Variants in MFSD11 observed in about 807,000 individuals in gnomAD.
The protein encoded by MFSD11 is major facilitator superfamily domain containing 11, also known as UNC93-like protein MFSD11.
MFSD11 carries 36 observed loss-of-function variants against 53.5 expected under a neutral mutation model. That is an observed-to-expected ratio of 0.67 (90% confidence interval 0.52 to 0.89). The LOEUF is 0.89. Among genes scored for constraint, MFSD11 ranks in the 40% least tolerant of loss-of-function variants. The pLI is 0.00. For missense variants in MFSD11, 530 were observed against 543.9 expected, an observed-to-expected ratio of 0.97 and a Z score of 0.25; for synonymous variants, 186 against 184.9, an observed-to-expected ratio of 1.01 and a Z score of -0.05.
chr17:76,761,614 T>G (rs945703274), intron 8 of MFSD11, among the ~76,000 whole-genome samples: 1 of 152,170 alleles, frequency 6.6e-6, no homozygotes. Flanking sequence ...ATTCTGCCTT[T>G]TTAAATTGAG....
At chr17:76,738,641 T>C (rs1568035326) in intron 1 of MFSD11, 193 bp downstream of exon 1, 1 of 610,782 alleles carries the variant, frequency 1.6e-6, no homozygotes, top group Non-Finnish European at 2.9e-6. Context: ...TTAAGCATTA[T>C]CGTTTAATCT....
chr17:76,740,629 A>G (rs1001249144), intron 2 of MFSD11, among the ~76,000 whole-genome samples: 4 of 152,192 alleles, frequency 2.6e-5, no homozygotes, highest in African/African-American at 7.2e-5. Context: ...GGATAATAAC[A>G]ATATCTTTCT....
intron 2 of MFSD11, among the ~76,000 whole-genome samples, chr17:76,740,576 T>G (rs1463453429): frequency 1.3e-5 from 2 of 152,114 alleles, no homozygotes; most frequent in African/African-American, 4.8e-5. Context: ...TTTGGCAAAT[T>G]ACTTAATCCC....
At chr17:76,782,167 T>G (rs1389926136), downstream of MFSD11, among the ~76,000 whole-genome samples, 1 of 149,340 alleles carries the variant, frequency 6.7e-6, no homozygotes, top group Non-Finnish European at 1.5e-5. Flanking sequence ...GCGCTTTTAT[T>G]CAGTTCTTTT....
chr17:76,746,238 C>G (rs2078532343), intron 7 of MFSD11, among the ~76,000 whole-genome samples: 2 of 152,332 alleles, frequency 1.3e-5, no homozygotes, highest in South Asian at 4.1e-4. Context: ...AAGTCCCTCT[C>G]TTCAATTCTG....
At chr17:76,762,222 T>C (rs985065406) in intron 8 of MFSD11, among the ~76,000 whole-genome samples, 6 of 152,190 alleles carry the variant, frequency 3.9e-5, no homozygotes, top group Non-Finnish European at 7.3e-5. Flanking sequence ...CATGTGGTCT[T>C]TAGTGCCTGG....
In MFSD11 at chr17:76,767,410, C is replaced by T; in HGVS notation, c.707C>T (p.Thr236Ile). Residue 236 changes from threonine (T) to isoleucine (I), a missense_variant, in exon 9 of 13, where the codon ACC becomes ATC. By Grantham distance (89) the Thr-to-Ile change is moderately conservative. Coordinates refer to ENST00000685175, the MANE Select transcript of MFSD11 (RefSeq NM_001242532.5). ...AFKKSFKLCV[T>I]KEMLLLSITT... ...GAAAAGTCTTTTAAGTTATGTGTCACCAAGGAGATGCTCCTTCTTAGTATT... is the reference window on the plus strand; with the variant it reads ...GAAAAGTCTTTTAAGTTATGTGTCATCAAGGAGATGCTCCTTCTTAGTATT... 6.2e-7 allele frequency: 1 copy of T among 1,602,586 alleles called. No individual in the cohort carries two copies.
intron 5 of MFSD11, among the ~76,000 whole-genome samples, chr17:76,742,554 G>A (rs928001507): frequency 1.3e-5 from 2 of 151,456 alleles, no homozygotes; most frequent in African/African-American, 4.9e-5. Context: ...CTGGGCTGGA[G>A]TGCAATGGCA....
upstream of MFSD11, chr17:76,736,742 G>C: frequency 7.2e-7 from 1 of 1,389,568 alleles, no homozygotes; most frequent in Non-Finnish European, 9.3e-7. Context: ...TTGTGAGGTC[G>C]CCCGGGCCTC....
the MFSD11 span, among the ~76,000 whole-genome samples, chr17:76,796,710 T>C: frequency 2.6e-5 from 4 of 151,118 alleles, no homozygotes; most frequent in Non-Finnish European, 5.9e-5. Context: ...CGGTGGCTCA[T>C]GCCTGTAATC....
chr17:76,784,774 C>CT (rs2082251513), downstream of MFSD11, among the ~76,000 whole-genome samples: 2 of 152,054 alleles, frequency 1.3e-5, no homozygotes, highest in Non-Finnish European at 2.9e-5. Context: ...TGGCATGTGC[C>CT]TGTAATCCTA....
intron 7 of MFSD11, among the ~76,000 whole-genome samples, chr17:76,751,752 T>G (rs1203184218): frequency 2.0e-5 from 3 of 151,972 alleles, no homozygotes; most frequent in African/African-American, 7.2e-5. Flanking sequence ...AAAAAATATT[T>G]TTTAAAAACT....
rs2082071550 is a variant in MFSD11, at chr17:76,779,068, C to T, written c.*716C>T. ...AGGAGTTTGAGACCAGCCTGGCCAA[C>T]ATGGTGAAACCTCATCTCTACTAAA... On this transcript the variant is annotated 3_prime_UTR_variant, in exon 13 of 13. Coordinates refer to ENST00000685175, the MANE Select transcript of MFSD11 (RefSeq NM_001242532.5). 6.6e-6 allele frequency: 1 copy of T among 152,026 alleles called. No homozygotes were observed. The highest frequency in any genetic ancestry group is 6.6e-5 in the Admixed American group (1 of 15,234). 9.4% of individuals were successfully genotyped at this position (152,026 alleles called of 1,614,324 possible). A position where few individuals can be genotyped will look rare whatever the true frequency, so the allele number is the denominator to read the frequency against.
At chr17:76,736,900 C>T (rs760680088), upstream of MFSD11, 2 of 1,612,150 alleles carry the variant, frequency 1.2e-6, no homozygotes, top group East Asian at 2.2e-5. Flanking sequence ...GCGCCATTTG[C>T]ACCCGCAGCT....
At chr17:76,757,436 A>G (rs546797797) in intron 8 of MFSD11, among the ~76,000 whole-genome samples, 1 of 152,264 alleles carries the variant, frequency 6.6e-6, no homozygotes, top group African/African-American at 2.4e-5. Context: ...CCAGAGGCAT[A>G]GGGAGAGAGG....
rs374392574 is a variant in MFSD11 at position 76,738,305 on chromosome 17, G to A, written c.-48G>A. On this transcript the variant is annotated 5_prime_UTR_variant, in exon 1 of 13. Coordinates refer to ENST00000685175, the MANE Select transcript of MFSD11 (RefSeq NM_001242532.5). ...AGGATTGTCAGTGGCTTCGCCCCGA[G>A]GAGAGCTGACTGCCCTGGGCTGCTG... 8 of 1,280,226 alleles carry A rather than the reference G, an allele frequency of 6.2e-6. No individual in the cohort carries two copies. The highest frequency in any genetic ancestry group is 1.8e-5 in the Admixed American group (1 of 56,648). The allele number at this position is 1,280,226 out of a possible 1,614,324, so 79.3% of individuals were successfully genotyped here. A position where few individuals can be genotyped will look rare whatever the true frequency, so the allele number is the denominator to read the frequency against.
chr17:76,736,854 G>A, upstream of MFSD11: 1 of 1,607,222 alleles, frequency 6.2e-7, no homozygotes. Context: ...GGCGGTCCCC[G>A]GCGGCTGTGG....
At chr17:76,747,592 C>G (rs964973031) in intron 7 of MFSD11, among the ~76,000 whole-genome samples, 6 of 151,892 alleles carry the variant, frequency 4.0e-5, no homozygotes, top group African/African-American at 1.5e-4. Context: ...CTTGGCCTCC[C>G]AAAGTGCTGG....
chr17:76,796,462 G>A, the MFSD11 span, among the ~76,000 whole-genome samples: 2 of 152,130 alleles, frequency 1.3e-5, no homozygotes, highest in Non-Finnish European at 2.9e-5. Flanking sequence ...TGACTAGTCT[G>A]ATGACTTCCA....
Sources: allele counts gnomAD v4.1 joint callset (sites outside exome capture counted in the v4.1 genomes callset), GRCh38; gene constraint gnomAD v4.1.1; transcripts MANE v1.5; gene names NCBI Gene and HGNC (gene_info 2026-07-23, HGNC 2026-07-21).